VPS13D: variants seen among roughly 807,000 people sequenced by gnomAD.
VPS13D encodes intermembrane lipid transfer protein VPS13D.
In VPS13D, 187 loss-of-function variants were observed where a neutral mutation model predicts 461.9. The ratio of observed to expected loss-of-function variants is 0.40; its 90% CI spans 0.36 to 0.46. The LOEUF (loss-of-function observed/expected upper bound fraction) is 0.46. VPS13D is among the 20% of genes least tolerant of loss of function. The pLI is 0.60. For synonymous variants in VPS13D, 1,951 were observed against 1,986.3 expected (o/e 0.98, Z 0.47); for missense variants, 4,711 against 5,364.9 (o/e 0.88, Z 3.81).
At position 12,288,206 on chromosome 1, in the gene VPS13D, A is replaced by C; in HGVS notation, c.5635-17A>C. 2 of 1,603,048 alleles carry C rather than the reference A, an allele frequency of 1.2e-6. No homozygotes were observed. The highest frequency in any genetic ancestry group is 1.7e-6 in the Non-Finnish European group (2 of 1,171,272). On this transcript the variant is annotated splice_polypyrimidine_tract_variant and intron_variant, in intron 21 of 69. Transcript: ENST00000620676. ...TCCCCAGTAATATTGGCCTTGCTTTATCTTGTCTGTTCCTAGGTTCATTCA... is the reference window on the plus strand; with the variant it reads ...TCCCCAGTAATATTGGCCTTGCTTTCTCTTGTCTGTTCCTAGGTTCATTCA...
chr1:12,443,646 C>T (rs1645155754), intron 65 of VPS13D, among the ~76,000 whole-genome samples: 2 of 151,942 alleles, frequency 1.3e-5, no homozygotes, highest in Admixed American at 6.6e-5. Context: ...GTTCTACTTA[C>T]ATTATGTTTA....
Position 12,415,162 on chromosome 1 carries a change from G to T in VPS13D, c.12106G>T (p.Val4036Leu). 1 of 1,614,034 alleles carries T rather than the reference G, an allele frequency of 6.2e-7. No homozygotes were observed. The change falls in exon 64 of 70, where the codon GTA (valine) becomes TTA (leucine). Residue 4036 changes from valine (V) to leucine (L), a missense_variant. This residue lies in a region of VPS13D where 4,411 missense variants were observed against 4,937.8 expected (regional missense o/e 0.89). Transcript: ENST00000620676. ...GATTAATCTAGATCCATTCACTCGG[G>T]TACATCCCTATGAGACCAAGGAGTT... ...AVINLDPFTRVHPYETKEFII... is the reference protein window; with the variant it reads ...AVINLDPFTRLHPYETKEFII...
chr1:12,468,860 C>T (rs1043890574), intron 67 of VPS13D, among the ~76,000 whole-genome samples: 1 of 152,052 alleles, frequency 6.6e-6, no homozygotes, highest in African/African-American at 2.4e-5. Context: ...TAGTGAAACC[C>T]TGTCTCTATA....
intron 44 of VPS13D, 127 bp from the exon 45 acceptor site, chr1:12,348,696 G>T: frequency 8.4e-7 from 1 of 1,187,486 alleles, no homozygotes; most frequent in Non-Finnish European, 1.2e-6. Flanking sequence ...AGGGTTTTAT[G>T]ACTGATTTCA....
chr1:12,385,163 A>G (rs1166612594), intron 58 of VPS13D, 97 bp from the exon 59 acceptor site: 5 of 897,486 alleles, frequency 5.6e-6, no homozygotes, highest in Non-Finnish European at 8.7e-6. Context: ...ATTATTGATT[A>G]TATAATGACT....
At chr1:12,262,144 T>C (rs1016194613) in intron 13 of VPS13D, 64 bp downstream of exon 13, 1 of 1,524,056 alleles carries the variant, frequency 6.6e-7, no homozygotes, top group Non-Finnish European at 8.9e-7. Context: ...TCCAGGCGAT[T>C]CTCATTATTT....
intron 65 of VPS13D, among the ~76,000 whole-genome samples, chr1:12,442,425 T>A (rs1645142458): frequency 6.6e-6 from 1 of 152,186 alleles, no homozygotes; most frequent in Non-Finnish European, 1.5e-5. Context: ...AAGGTGAAAC[T>A]AAAGTTACAT....
intron 25 of VPS13D, among the ~76,000 whole-genome samples, chr1:12,300,761 C>G (rs1041847002): frequency 3.3e-5 from 5 of 152,086 alleles, no homozygotes; most frequent in Non-Finnish European, 7.4e-5. Context: ...GCTGAGAGGA[C>G]CTTTTAGATG....
At chr1:12,368,029 C>T (rs1436596339) in intron 52 of VPS13D, among the ~76,000 whole-genome samples, 9 of 152,182 alleles carry the variant, frequency 5.9e-5, no homozygotes, top group Non-Finnish European at 1.2e-4. Context: ...CCTTGGCCTC[C>T]CAAAGTGCTG....
At chr1:12,255,134 C>T (rs1465482444) in intron 7 of VPS13D, among the ~76,000 whole-genome samples, 2 of 151,468 alleles carry the variant, frequency 1.3e-5, no homozygotes, top group African/African-American at 2.4e-5. Context: ...TTAGTAGAGA[C>T]GAGGTTTCGC....
At chr1:12,399,257 C>T (rs1466368810) in intron 60 of VPS13D, among the ~76,000 whole-genome samples, 6 of 148,100 alleles carry the variant, frequency 4.1e-5, no homozygotes, top group African/African-American at 1.0e-4. Context: ...AGTGCAGTGG[C>T]GCTATCTCGG....
chr1:12,392,481 A>G (rs372573596), intron 60 of VPS13D, among the ~76,000 whole-genome samples: 5 of 151,926 alleles, frequency 3.3e-5, no homozygotes, highest in South Asian at 4.2e-4. Context: ...CTCTCTCAAA[A>G]AAAAAAAGTC....
chr1:12,404,205 C>T (rs767212640), intron 63 of VPS13D, among the ~76,000 whole-genome samples: 1 of 151,306 alleles, frequency 6.6e-6, no homozygotes, highest in African/African-American at 2.4e-5. Flanking sequence ...ACGACATTGC[C>T]GAAGATCAAG....
rs1407140475 is a variant in VPS13D at position 12,460,203 on chromosome 1, A to T, written c.12469A>T (p.Ile4157Phe). ...VAGIHGLAHGIIGGLTSVITS... is the reference protein window; with the variant it reads ...VAGIHGLAHGFIGGLTSVITS... ...ACAGCCCTTGTCTTTTTCACTAGGT[A>T]TCATTGGTGGACTGACCAGTGTTAT... The change falls in exon 67 of 70, where the codon ATC becomes TTC. Residue 4157 changes from isoleucine to phenylalanine, a missense_variant and splice_region_variant. Around this residue, in one of 3 missense-constraint regions of VPS13D, gnomAD observed 106 missense variants for 206.2 expected, o/e 0.51. Transcript: ENST00000620676. The T allele has an allele frequency of 6.4e-7, 1 of 1,570,682 alleles. No individual in the cohort carries two copies. The highest frequency in any genetic ancestry group is 8.6e-7 in the Non-Finnish European group (1 of 1,157,540).
At position 12,289,650 on chromosome 1, in the gene VPS13D, T is replaced by C. The variant is rs143267348; in HGVS notation, c.5725+1337T>C. 1.2e-3 allele frequency among the ~76,000 whole-genome samples: 187 copies of C among 151,870 alleles called. 1 individual carries two copies. Among genetic ancestry groups the C allele is most frequent in the African/African-American group, 4.2e-3 (176 of 41,420 alleles). ...CTTGGTTATTTTTGTTAGAAGACAT[T>C]AGGTATCTAAAATAAGTATGTGGCT... On this transcript the variant is annotated intron_variant, in intron 22 of 69. Coordinates refer to ENST00000620676, the MANE Select transcript of VPS13D (RefSeq NM_015378.4).
rs1464208926 is a variant in VPS13D at position 12,400,958 on chromosome 1, GCGCGCACA to G, written c.11784+630_11784+637del. Among the ~76,000 whole-genome samples, 470 of 80,470 alleles carry G rather than the reference GCGCGCACA, an allele frequency of 5.8e-3. 6 individuals are homozygous for G. The highest frequency in any genetic ancestry group is 0.022 in the African/African-American group (448 of 20,290). 52.8% of individuals were successfully genotyped at this position (80,470 alleles called of 152,430 possible). A position where few individuals can be genotyped will look rare whatever the true frequency, so the allele number is the denominator to read the frequency against. On this transcript the variant is annotated intron_variant, in intron 61 of 69. Coordinates refer to ENST00000620676, the MANE Select transcript of VPS13D (RefSeq NM_015378.4). ...GATAGAGTGAGATGTGCACCTGCGC[GCGCGCACA>G]CACACACACACACACACACACACAC...
At chr1:12,436,184 T>C (rs1008872373) in intron 65 of VPS13D, among the ~76,000 whole-genome samples, 2 of 152,178 alleles carry the variant, frequency 1.3e-5, no homozygotes, top group Non-Finnish European at 2.9e-5. Flanking sequence ...CACACACATG[T>C]GGGAAAGTGT....
intron 21 of VPS13D, among the ~76,000 whole-genome samples, chr1:12,286,851 G>T (rs1245074375): frequency 6.6e-6 from 1 of 152,048 alleles, no homozygotes; most frequent in East Asian, 1.9e-4. Context: ...ATGACTAGAG[G>T]TTTTCATTAT....
intron 22 of VPS13D, among the ~76,000 whole-genome samples, chr1:12,288,804 T>C (rs1176560001): frequency 6.6e-6 from 1 of 152,026 alleles, no homozygotes; most frequent in African/African-American, 2.4e-5. Flanking sequence ...GTAGAGGCCA[T>C]GGTGTTATGC....
Sources: allele counts gnomAD v4.1 joint callset (sites outside exome capture counted in the v4.1 genomes callset), GRCh38; gene constraint gnomAD v4.1.1; regional missense constraint gnomAD v4.1.1; transcripts MANE v1.5; gene names NCBI Gene and HGNC (gene_info 2026-07-23, HGNC 2026-07-21).